The following ACOT7 variants were observed in gnomAD, a reference collection of about 807,000 sequenced individuals.
ACOT7 encodes the protein acyl-CoA thioesterase 7, also known as cytosolic acyl coenzyme A thioester hydrolase.
In ACOT7, 12 loss-of-function variants were observed where a neutral mutation model predicts 40.2. That is an observed-to-expected ratio of 0.30 (90% CI 0.19 to 0.48). ACOT7 has a LOEUF of 0.48. Ranked by LOEUF, ACOT7 falls within the 20% of genes least tolerant of loss-of-function variation. ACOT7 has a pLI of 0.99. For synonymous variants in ACOT7, 228 were observed against 219.5 expected, an observed-to-expected ratio of 1.04 and a Z score of -0.34; for missense variants, 395 against 530.8, an observed-to-expected ratio of 0.74 and a Z score of 2.51.
chr1:6,332,768 C>G (rs1324990725), intron 4 of ACOT7, among the ~76,000 whole-genome samples: 1 of 151,836 alleles, frequency 6.6e-6, no homozygotes, highest in Non-Finnish European at 1.5e-5. Context: ...TTGCAGTGAG[C>G]CGAGATCGCG....
chr1:6,287,865 T>C (rs2148387315), intron 7 of ACOT7, among the ~76,000 whole-genome samples: 1 of 152,322 alleles, frequency 6.6e-6, no homozygotes, highest in Middle Eastern at 3.4e-3. Context: ...CTGGAAACAG[T>C]GAACTGACTT....
At position 6,264,678 on chromosome 1, in the gene ACOT7, C is replaced by G. The variant is rs745661134; in HGVS notation, c.1032G>C (p.Glu344Asp). Residue 344 changes from glutamate to aspartate, a missense_variant, in exon 9 of 9, where the codon GAG becomes GAC. Transcript: ENST00000361521. ...VPQLVPETEDEKKRFEEGKGR... is the reference protein window; with the variant it reads ...VPQLVPETEDDKKRFEEGKGR... ...CTTTGCCTTCCTCAAAGCGCTTCTT[C>G]TCGTCCTCGGTCTCGGGCTGTGGAC... 1 of 1,613,464 alleles carries G rather than the reference C, an allele frequency of 6.2e-7. No homozygotes were observed. The highest frequency in any genetic ancestry group is 1.1e-5 in the South Asian group (1 of 91,072).
chr1:6,360,893 C>A (rs1027163954), intron 1 of ACOT7, among the ~76,000 whole-genome samples: 2 of 152,198 alleles, frequency 1.3e-5, no homozygotes, highest in African/African-American at 2.4e-5. Context: ...AAGCCACAAC[C>A]AGATGGTCCC....
At chr1:6,379,441 T>C (rs965040042) in intron 1 of ACOT7, among the ~76,000 whole-genome samples, 1 of 151,710 alleles carries the variant, frequency 6.6e-6, no homozygotes, top group African/African-American at 2.4e-5. Context: ...AACACCTAAA[T>C]GGTAAGAGCT....
rs1441406331 is a variant in ACOT7, at chr1:6,359,048, C to T, written c.144-9182G>A. The T allele has an allele frequency of 5.6e-6, 4 of 711,174 alleles. No homozygotes were observed. The highest frequency in any genetic ancestry group is 4.3e-6 in the Non-Finnish European group (2 of 460,992). The allele number at this position is 711,174 out of a possible 1,614,324, so 44.1% of individuals were successfully genotyped here. A position where few individuals can be genotyped will look rare whatever the true frequency, so the allele number is the denominator to read the frequency against. Reference sequence around the variant, plus strand: ...CCAATCCAGAGCGTCTACCAGAAACCGGTCGTCATGGAAACCTTGCTTTAT... The same window carrying T: ...CCAATCCAGAGCGTCTACCAGAAACTGGTCGTCATGGAAACCTTGCTTTAT... On this transcript the variant is annotated intron_variant, in intron 1 of 8. Transcript: ENST00000361521. This position sits in a 1 kb window ranked among gnomAD's most constrained non-coding sequence, Gnocchi z 4.1.
chr1:6,345,182 C>A (rs1467562620), intron 2 of ACOT7, among the ~76,000 whole-genome samples: 1 of 152,258 alleles, frequency 6.6e-6, no homozygotes, highest in East Asian at 1.9e-4. Flanking sequence ...AAGCCCCACC[C>A]TGCCCTGGGA....
Position 6,377,075 on chromosome 1 carries a change from GACA to G in ACOT7, c.143+16179_143+16181del, listed in dbSNP as rs773510740. On this transcript the variant is annotated intron_variant, in intron 1 of 8. Coordinates refer to ENST00000361521, the MANE Select transcript of ACOT7 (RefSeq NM_007274.4). ...CAGAATGGCCTAAACCCAAAGTACTGACAACATCAAATGCTGGTGAGGATGTGG... is the reference window on the plus strand; with the variant it reads ...CAGAATGGCCTAAACCCAAAGTACTGACATCAAATGCTGGTGAGGATGTGG... Among the ~76,000 whole-genome samples, 80 of 152,280 alleles carry G rather than the reference GACA, an allele frequency of 5.3e-4. No individual in the cohort carries two copies. In the Middle Eastern group the frequency reaches 0.014, roughly 26 times the overall value.
At chr1:6,325,573 T>C (rs903344533) in intron 5 of ACOT7, among the ~76,000 whole-genome samples, 1 of 152,120 alleles carries the variant, frequency 6.6e-6, no homozygotes, top group African/African-American at 2.4e-5. Context: ...GAAACCGACC[T>C]ACCCAGTCCC....
rs145216329 is a variant in ACOT7 at position 6,317,818 on chromosome 1, G to A, written c.712+674C>T. 4.9e-3 allele frequency among the ~76,000 whole-genome samples: 681 copies of A among 140,384 alleles called. 9 individuals carry two copies. The highest frequency in any genetic ancestry group is 0.017 in the African/African-American group (639 of 37,228). 92.1% of individuals were successfully genotyped at this position (140,384 alleles called of 152,430 possible). A position where few individuals can be genotyped will look rare whatever the true frequency, so the allele number is the denominator to read the frequency against. On this transcript the variant is annotated intron_variant, in intron 6 of 8. Coordinates refer to ENST00000361521, the MANE Select transcript of ACOT7 (RefSeq NM_007274.4). The stretch of plus-strand genomic sequence containing the variant: ...ACGATCTCAGCTCACTGCAACCTCC[G>A]CCTCCCAGGTTCAAGTGATTCTCTT...
At chr1:6,316,111 G>A (rs554933318) in intron 6 of ACOT7, among the ~76,000 whole-genome samples, 1 of 152,162 alleles carries the variant, frequency 6.6e-6, no homozygotes, top group Non-Finnish European at 1.5e-5. Context: ...CTAACATGTC[G>A]ACAAAGTAAG....
At chr1:6,369,326 G>A (rs376200657) in intron 1 of ACOT7, among the ~76,000 whole-genome samples, 1 of 149,394 alleles carries the variant, frequency 6.7e-6, no homozygotes, top group East Asian at 2.0e-4. Context: ...GCTTTCCAAT[G>A]TAAATTTTTC....
chr1:6,303,939 T>C (rs370363290), intron 6 of ACOT7, among the ~76,000 whole-genome samples: 42 of 152,326 alleles, frequency 2.8e-4, no homozygotes, highest in East Asian at 1.2e-3. Flanking sequence ...GACTGCTTCC[T>C]GATGTTTGAG....
chr1:6,367,177 C>T (rs539103791), intron 1 of ACOT7, among the ~76,000 whole-genome samples: 8 of 145,750 alleles, frequency 5.5e-5, no homozygotes, highest in South Asian at 2.2e-4. Context: ...CCAGCCTGGG[C>T]GACAGAGCGA....
At chr1:6,386,789 G>GT (rs1051238045) in intron 1 of ACOT7, among the ~76,000 whole-genome samples, 12 of 152,160 alleles carry the variant, frequency 7.9e-5, no homozygotes, top group African/African-American at 2.9e-4. Context: ...AGCCCAGAAG[G>GT]TTGGGGCTGC....
intron 1 of ACOT7, among the ~76,000 whole-genome samples, chr1:6,390,060 T>C (rs567720646): frequency 6.6e-6 from 1 of 152,214 alleles, no homozygotes; most frequent in Admixed American, 6.5e-5. Flanking sequence ...CTTAAAGGGC[T>C]CCCCATCCTA....
rs563560069 is a variant in ACOT7, at chr1:6,281,553, T to C, written c.830-267A>G. On this transcript the variant is annotated intron_variant, in intron 7 of 8. Coordinates refer to ENST00000361521, the MANE Select transcript of ACOT7 (RefSeq NM_007274.4). ...AGTTCAAGCCCCCGCCCAGGCGGGCTCTCTCCTGGCCGGGAGTGGCAGCAC... is the reference window on the plus strand; with the variant it reads ...AGTTCAAGCCCCCGCCCAGGCGGGCCCTCTCCTGGCCGGGAGTGGCAGCAC... 1.4e-3 allele frequency among the ~76,000 whole-genome samples: 219 copies of C among 152,276 alleles called. 2 individuals are homozygous for C. Among genetic ancestry groups the C allele is most frequent in the African/African-American group, 5.2e-3 (215 of 41,574 alleles).
rs982187123 is a variant in ACOT7, at chr1:6,360,771, A to G, written c.144-10905T>C. 11 of 1,531,756 alleles carry G rather than the reference A, an allele frequency of 7.2e-6. No individual in the cohort carries two copies. The African/African-American group carries it at 1.1e-4, about 15-fold the overall frequency. 94.9% of individuals were successfully genotyped at this position (1,531,756 alleles called of 1,614,324 possible). On this transcript the variant is annotated intron_variant, in intron 1 of 8. Coordinates refer to ENST00000361521, the MANE Select transcript of ACOT7 (RefSeq NM_007274.4). Reference sequence around the variant, plus strand: ...CTTGGCCTCATCCCTCCAGGCGGGCATTGCTGCCTCCCTAAGCAACCCTTC... The same window carrying G: ...CTTGGCCTCATCCCTCCAGGCGGGCGTTGCTGCCTCCCTAAGCAACCCTTC...
intron 7 of ACOT7, among the ~76,000 whole-genome samples, chr1:6,290,452 G>C (rs1639632208): frequency 6.6e-6 from 1 of 152,164 alleles, no homozygotes; most frequent in Admixed American, 6.5e-5. Context: ...TCACATGAGG[G>C]GCACGGGCTG....
intron 5 of ACOT7, among the ~76,000 whole-genome samples, chr1:6,325,684 G>A (rs1640778046): frequency 6.6e-6 from 1 of 152,112 alleles, no homozygotes; most frequent in South Asian, 2.1e-4. Flanking sequence ...ACAAACTCCT[G>A]TTCAAGCCTC....
Sources: allele counts gnomAD v4.1 joint callset (sites outside exome capture counted in the v4.1 genomes callset), GRCh38; gene constraint gnomAD v4.1.1; non-coding constraint Gnocchi (gnomAD v3.1); transcripts MANE v1.5; gene names NCBI Gene and HGNC (gene_info 2026-07-23, HGNC 2026-07-21).